Variants in OTOP3 observed in about 807,000 individuals in gnomAD.
OTOP3 encodes the protein otopetrin 3, also known as proton channel OTOP3.
OTOP3 carries 41 observed loss-of-function variants against 50.8 expected under a neutral mutation model. The observed-to-expected ratio is 0.81, with a 90% CI of 0.63 to 1.05. The LOEUF (loss-of-function observed/expected upper bound fraction) is 1.05, where lower values mean the gene tolerates loss of function less well. Ranked by LOEUF, OTOP3 falls within the 50% of genes least tolerant of loss-of-function variation. OTOP3 has a pLI of 0.00. For missense variants in OTOP3, 788 were observed against 760.8 expected (o/e 1.04, Z -0.42); for synonymous variants, 320 against 324.4 (o/e 0.99, Z 0.14).
Position 74,943,586 on chromosome 17 carries a change from G to A in OTOP3, c.633-20G>A. 6.2e-7 allele frequency: 1 copy of A among 1,610,506 alleles called. No homozygotes were observed. The highest frequency in any genetic ancestry group is 8.5e-7 in the Non-Finnish European group (1 of 1,176,984). The stretch of plus-strand genomic sequence containing the variant: ...GGGAGCCGGCCAGGGTGTGTGAGAA[G>A]AGTGTGGCATTTCCCCCAGGTGTGG... On this transcript the variant is annotated intron_variant, in intron 4 of 6. Coordinates refer to ENST00000328801, the MANE Select transcript of OTOP3 (RefSeq NM_001272005.2).
At chr17:74,947,605 C>A in intron 6 of OTOP3, 130 bp downstream of exon 6, 1 of 943,708 alleles carries the variant, frequency 1.1e-6, no homozygotes, top group Non-Finnish European at 1.5e-6. Flanking sequence ...GAGTGTCCCC[C>A]CAGTTCCCTA....
In OTOP3 at chr17:74,943,674, T is replaced by A. The variant is rs140108497; in HGVS notation, c.701T>A (p.Met234Lys). ...LWVLAVTNDSMHREIEAELGI... is the reference protein window; with the variant it reads ...LWVLAVTNDSKHREIEAELGI... Reference sequence around the variant, plus strand: ...GTTCTGGCCGTTACCAATGACTCCATGCACCGAGAGATCGAAGCTGAGCTT... The same window carrying A: ...GTTCTGGCCGTTACCAATGACTCCAAGCACCGAGAGATCGAAGCTGAGCTT... The change falls in exon 5 of 7, where the codon ATG becomes AAG. Residue 234 changes from methionine (M) to lysine (K), a missense_variant. By Grantham distance (95) the Met-to-Lys change is moderately conservative. Coordinates refer to ENST00000328801, the MANE Select transcript of OTOP3 (RefSeq NM_001272005.2). 3 of 1,611,926 alleles carry A rather than the reference T, an allele frequency of 1.9e-6. No homozygotes were observed. The highest frequency in any genetic ancestry group is 1.7e-6 in the Non-Finnish European group (2 of 1,179,830).
intron 6 of OTOP3, among the ~76,000 whole-genome samples, chr17:74,947,854 T>C (rs972168547): frequency 2.0e-5 from 3 of 152,228 alleles, no homozygotes; most frequent in African/African-American, 4.8e-5. Flanking sequence ...AGGTACACCT[T>C]TCCATGCAAT....
intron 1 of OTOP3, among the ~76,000 whole-genome samples, chr17:74,936,266 G>A (rs922448784): frequency 2.0e-5 from 3 of 152,306 alleles, no homozygotes; most frequent in Admixed American, 6.5e-5. Flanking sequence ...CTGGACGCCC[G>A]GTCTGGGGCA....
rs36000752 is a variant in OTOP3, at chr17:74,945,984, G to GT, written c.752-666dup. 9.1e-3 allele frequency among the ~76,000 whole-genome samples: 1,357 copies of GT among 148,378 alleles called. 23 individuals are homozygous for GT. Among genetic ancestry groups the GT allele is most frequent in the African/African-American group, 0.03 (1,234 of 40,476 alleles). On this transcript the variant is annotated intron_variant, in intron 5 of 6. Coordinates refer to ENST00000328801, the MANE Select transcript of OTOP3 (RefSeq NM_001272005.2). Reference sequence around the variant, plus strand: ...TAGTTTTTGTTTTTTGTTTTTTGTGGTTTTTTTTTTTGAGATGGAGTTTTG... The same window carrying GT: ...TAGTTTTTGTTTTTTGTTTTTTGTGGTTTTTTTTTTTTGAGATGGAGTTTTG...
chr17:74,947,815 A>T (rs1334083050), intron 6 of OTOP3, among the ~76,000 whole-genome samples: 1 of 152,238 alleles, frequency 6.6e-6, no homozygotes, highest in African/African-American at 2.4e-5. Flanking sequence ...GATGTTGATA[A>T]TGGCTGCCCA....
In OTOP3 at chr17:74,943,664, A is replaced by C. The variant is rs150670748; in HGVS notation, c.691A>C (p.Asn231His). The change falls in exon 5 of 7, where the codon AAT becomes CAT. Residue 231 changes from asparagine (N) to histidine (H), a missense_variant. Physicochemically the swap from Asn to His is moderately conservative, Grantham distance 68. Coordinates refer to ENST00000328801, the MANE Select transcript of OTOP3 (RefSeq NM_001272005.2). ...GCTGCTGTGGGTTCTGGCCGTTACC[A>C]ATGACTCCATGCACCGAGAGATCGA... ...NLLLWVLAVT[N>H]DSMHREIEAE... is the part of the protein sequence containing the mutation. 1.7e-4 allele frequency: 280 copies of C among 1,612,932 alleles called. 3 individuals carry two copies. The East Asian group carries it at 2.8e-3, about 16-fold the overall frequency.
At chr17:74,947,849 C>T (rs938577156) in intron 6 of OTOP3, among the ~76,000 whole-genome samples, 5 of 152,250 alleles carry the variant, frequency 3.3e-5, no homozygotes, top group Non-Finnish European at 7.3e-5. Context: ...GTCCCAGGTA[C>T]ACCTTTCCAT....
At chr17:74,936,272 G>A (rs1266053765) in intron 1 of OTOP3, among the ~76,000 whole-genome samples, 3 of 152,192 alleles carry the variant, frequency 2.0e-5, no homozygotes, top group Non-Finnish European at 4.4e-5. Flanking sequence ...GCCCGGTCTG[G>A]GGCACGCAGG....
At chr17:74,947,928 T>G (rs1028483625) in intron 6 of OTOP3, among the ~76,000 whole-genome samples, 6 of 152,292 alleles carry the variant, frequency 3.9e-5, no homozygotes, top group African/African-American at 1.4e-4. Context: ...CTGTCCCTTT[T>G]CACAGAGGAG....
At position 74,935,960 on chromosome 17, in the gene OTOP3, G is replaced by A. The variant is rs550215013; in HGVS notation, c.19+20G>A. ...CCTCAGGTAAGCCCGGAGCGCCGGCGGAACTTTCCCAGCTTGCGCACCCCA... is the reference window on the plus strand; with the variant it reads ...CCTCAGGTAAGCCCGGAGCGCCGGCAGAACTTTCCCAGCTTGCGCACCCCA... On this transcript the variant is annotated intron_variant, in intron 1 of 6. Coordinates refer to ENST00000328801, the MANE Select transcript of OTOP3 (RefSeq NM_001272005.2). 9.2e-4 allele frequency: 1,414 copies of A among 1,540,954 alleles called. 3 individuals carry two copies. The highest frequency in any genetic ancestry group is 1.1e-3 in the Non-Finnish European group (1,285 of 1,146,608).
rs185047535 is a variant in OTOP3 at position 74,947,216 on chromosome 17, C to A, written c.1307C>A (p.Ser436Ter). 2 of 1,613,982 alleles carry A rather than the reference C, an allele frequency of 1.2e-6. No homozygotes were observed. Among genetic ancestry groups the A allele is most frequent in the South Asian group, 2.2e-5 (2 of 91,086 alleles). Residue 436 changes from serine to a stop codon, truncating the protein, a stop_gained, in exon 6 of 7, where the codon TCG becomes TAG. Transcript: ENST00000328801. LOFTEE classifies it high-confidence loss of function. ...CTCAACCGCCTCATCCTGGCCTACT[C>A]GCTGCTGCTCATCCTGCAGCACATC... ...ELLNRLILAYSLLLILQHIAQ... is the reference protein window; with the variant it reads ...ELLNRLILAY
At chr17:74,944,620 G>C (rs1373116178) in intron 5 of OTOP3, among the ~76,000 whole-genome samples, 1 of 152,166 alleles carries the variant, frequency 6.6e-6, no homozygotes, top group Non-Finnish European at 1.5e-5. Context: ...ACCCAGGCAT[G>C]GTTGTGGGTG....
At chr17:74,945,281 T>A (rs1475337385) in intron 5 of OTOP3, among the ~76,000 whole-genome samples, 1 of 152,166 alleles carries the variant, frequency 6.6e-6, no homozygotes, top group Non-Finnish European at 1.5e-5. Context: ...TAGAAAGAGA[T>A]GTATTCCCCC....
intron 3 of OTOP3, among the ~76,000 whole-genome samples, chr17:74,942,538 C>T (rs112067855): frequency 0.021 from 3,125 of 147,558 alleles, 99 homozygotes; most frequent in African/African-American, 0.074. Flanking sequence ...GGCTGAGGCA[C>T]AAGAATCGCT....
In OTOP3 at chr17:74,941,741, C is replaced by A; in HGVS notation, c.368C>A (p.Ala123Glu). ...CTGCTTTGGCTTCTCTACTATGTGG[C>A]AAGCACCACCCGCCGACCACACGCC... is the stretch of plus-strand genomic sequence containing the variant. ...LSLLWLLYYV[A>E]STTRRPHAVL... The change falls in exon 2 of 7, where the codon GCA (alanine) becomes GAA (glutamate). Residue 123 changes from alanine (A) to glutamate (E), a missense_variant. Ala to Glu is a moderately radical substitution (Grantham distance 107, BLOSUM62 -1). Transcript: ENST00000328801. 1 of 1,613,830 alleles carries A rather than the reference C, an allele frequency of 6.2e-7. No individual in the cohort carries two copies. Among genetic ancestry groups the A allele is most frequent in the Non-Finnish European group, 8.5e-7 (1 of 1,179,896 alleles).
chr17:74,949,392 G>T lies in OTOP3; in HGVS notation c.1713G>T (p.Leu571=), dbSNP rs377010211. The part of the protein sequence containing the change: ...VFYRMHSVGG[L]VEVYLGA Reference sequence around the variant, plus strand: ...ACCGCATGCACTCTGTGGGAGGCCTGGTGGAGGTCTACCTGGGGGCCTGAG... The same window carrying T: ...ACCGCATGCACTCTGTGGGAGGCCTTGTGGAGGTCTACCTGGGGGCCTGAG... The change falls in exon 7 of 7, where the codon CTG becomes CTT. Residue 571 remains leucine, a synonymous_variant. Transcript: ENST00000328801. 19 of 1,613,024 alleles carry T rather than the reference G, an allele frequency of 1.2e-5. No homozygotes were observed. The highest frequency in any genetic ancestry group is 1.7e-6 in the Non-Finnish European group (2 of 1,179,830).
chr17:74,936,871 G>A (rs2039121271), intron 1 of OTOP3, among the ~76,000 whole-genome samples: 1 of 151,692 alleles, frequency 6.6e-6, no homozygotes, highest in African/African-American at 2.4e-5. Flanking sequence ...GCCAGGCATT[G>A]CCGGCATTAC....
intron 1 of OTOP3, among the ~76,000 whole-genome samples, chr17:74,939,541 T>A (rs910610521): frequency 6.6e-6 from 1 of 151,602 alleles, no homozygotes; most frequent in Non-Finnish European, 1.5e-5. Flanking sequence ...GAAGAAGGAG[T>A]GTCCGGTGGG....
Sources: allele counts gnomAD v4.1 joint callset (sites outside exome capture counted in the v4.1 genomes callset), GRCh38; gene constraint gnomAD v4.1.1; transcripts MANE v1.5; gene names NCBI Gene and HGNC (gene_info 2026-07-23, HGNC 2026-07-21).